The following ISY1 variants were observed in gnomAD, a reference collection of about 807,000 sequenced individuals.
ISY1 encodes ISY1 spliceosome associated protein, also known as pre-mRNA-splicing factor ISY1 homolog.
A neutral mutation model predicts 54.4 loss-of-function variants in ISY1; 12 were observed. The ratio of observed to expected loss-of-function variants is 0.22; its 90% CI spans 0.14 to 0.36. ISY1 has a LOEUF of 0.36. ISY1 is among the 10% of genes least tolerant of loss of function. ISY1 has a pLI of 1.00. For synonymous variants in ISY1, 96 were observed against 117.9 expected (o/e 0.81, Z 1.20); for missense variants, 282 against 342.2 (o/e 0.82, Z 1.39).
chr3:129,151,220 G>A (rs1013714619), intron 5 of ISY1, among the ~76,000 whole-genome samples: 1 of 148,884 alleles, frequency 6.7e-6, no homozygotes, highest in South Asian at 2.1e-4. Context: ...TATGGGGTGT[G>A]TGTGTATATA....
chr3:129,158,106 C>A (rs1024973474), intron 3 of ISY1, among the ~76,000 whole-genome samples: 3 of 151,276 alleles, frequency 2.0e-5, no homozygotes, highest in South Asian at 4.2e-4. Context: ...TGATCCACCC[C>A]CCTCAGCCTC....
intron 3 of ISY1, among the ~76,000 whole-genome samples, chr3:129,158,077 T>C (rs1410881698): frequency 4.6e-5 from 7 of 151,844 alleles, no homozygotes; most frequent in Non-Finnish European, 1.0e-4. Flanking sequence ...CAGGCTGGCC[T>C]CAAACTCCTG....
chr3:129,159,093 G>T (rs374059105), intron 2 of ISY1, 61 bp downstream of exon 2: 189 of 1,581,964 alleles, frequency 1.2e-4, no homozygotes, highest in East Asian at 1.0e-3. Flanking sequence ...AATACACAAA[G>T]AGTTACATGG....
intron 6 of ISY1, among the ~76,000 whole-genome samples, chr3:129,145,043 T>C (rs763512824): frequency 8.5e-5 from 13 of 152,130 alleles, no homozygotes; most frequent in Admixed American, 2.0e-4. Flanking sequence ...TCTGAGCAGC[T>C]GGGACTATAA....
intron 8 of ISY1, 102 bp from the exon 9 acceptor site, chr3:129,134,297 C>G: frequency 6.4e-7 from 1 of 1,563,984 alleles, no homozygotes. Flanking sequence ...CTAGACATCC[C>G]CTCTAGAAAG....
intron 7 of ISY1, among the ~76,000 whole-genome samples, chr3:129,139,311 G>A (rs1471226271): frequency 6.6e-6 from 1 of 152,158 alleles, no homozygotes; most frequent in African/African-American, 2.4e-5. Context: ...ATTTTTAAGG[G>A]ATGGTAGTGG....
chr3:129,133,536 A>C (rs1160094291), intron 9 of ISY1, among the ~76,000 whole-genome samples: 1 of 152,194 alleles, frequency 6.6e-6, no homozygotes, highest in African/African-American at 2.4e-5. Context: ...TCTACTAAAA[A>C]TACAAAAATT....
At chr3:129,144,101 G>A (rs1312658712) in intron 6 of ISY1, 7 of 417,550 alleles carry the variant, frequency 1.7e-5, no homozygotes, top group African/African-American at 1.4e-4. Flanking sequence ...TTAATGAGCT[G>A]CTTTTAAGCT....
chr3:129,131,705 G>A (rs778165421), intron 9 of ISY1, among the ~76,000 whole-genome samples: 9 of 152,210 alleles, frequency 5.9e-5, no homozygotes, highest in Non-Finnish European at 1.0e-4. Context: ...CAAGGCCATC[G>A]TGAAAGGTGA....
intron 9 of ISY1, 118 bp downstream of exon 9, chr3:129,133,956 G>A (rs1025125394): frequency 6.6e-7 from 1 of 1,522,486 alleles, no homozygotes; most frequent in African/African-American, 1.4e-5. Flanking sequence ...CCATCCTGCA[G>A]GTGAGCAAGC....
chr3:129,136,577 C>T (rs768561036), intron 7 of ISY1, among the ~76,000 whole-genome samples: 39 of 152,120 alleles, frequency 2.6e-4, no homozygotes, highest in African/African-American at 8.4e-4. Flanking sequence ...AATCTCAGCT[C>T]ACCACAACCT....
intron 6 of ISY1, chr3:129,143,999 T>C (rs1213503563): frequency 5.7e-6 from 1 of 176,274 alleles, no homozygotes; most frequent in Non-Finnish European, 1.2e-5. Context: ...GGAAAAAATA[T>C]ATAAAAATAT....
intron 3 of ISY1, among the ~76,000 whole-genome samples, 183 bp downstream of exon 3, chr3:129,158,325 A>C (rs907744008): frequency 4.0e-5 from 6 of 151,666 alleles, no homozygotes; most frequent in Non-Finnish European, 1.5e-5. Flanking sequence ...GGCTAGGCTA[A>C]TCTTTGTATT....
At chr3:129,151,844 T>C (rs1309781512) in intron 5 of ISY1, among the ~76,000 whole-genome samples, 1 of 152,040 alleles carries the variant, frequency 6.6e-6, no homozygotes, top group Non-Finnish European at 1.5e-5. Flanking sequence ...AAATAGTTTA[T>C]TGGCTATGGG....
intron 1 of ISY1, 55 bp downstream of exon 1, chr3:129,160,918 G>GGCCCCC: frequency 6.0e-6 from 4 of 666,124 alleles, no homozygotes; most frequent in Admixed American, 2.2e-5. Context: ...TGGACTGGGC[G>GGCCCCC]CCCCCCCGCC....
rs1346406137 is a variant in ISY1 at position 129,129,971 on chromosome 3, A to AG, written c.*109dup. On this transcript the variant is annotated 3_prime_UTR_variant, in exon 11 of 11. Coordinates refer to ENST00000393295, the MANE Select transcript of ISY1 (RefSeq NM_020701.4). The stretch of plus-strand genomic sequence containing the variant: ...AACATGAGACAAGGAGAGGGAAGGA[A>AG]GGCTGAGAATGGGGCAGGAGCCCTT... The AG allele has an allele frequency of 3.8e-6, 3 of 780,832 alleles. No individual in the cohort carries two copies. Among genetic ancestry groups the AG allele is most frequent in the Non-Finnish European group, 6.1e-6 (3 of 495,176 alleles). 48.4% of individuals were successfully genotyped at this position (780,832 alleles called of 1,614,324 possible). A position where few individuals can be genotyped will look rare whatever the true frequency, so the allele number is the denominator to read the frequency against.
chr3:129,128,602 C>G lies in ISY1; in HGVS notation c.*1479G>C, dbSNP rs1352731698. The stretch of plus-strand genomic sequence containing the variant: ...TAGAGAGGGCCCAGCACTGGCCACT[C>G]TCCCGACTTGGCCACACACAGCCAC... On this transcript the variant is annotated 3_prime_UTR_variant, in exon 11 of 11. Transcript: ENST00000393295. 6.5e-6 allele frequency: 1 copy of G among 153,016 alleles called. No homozygotes were observed. The highest frequency in any genetic ancestry group is 1.5e-5 in the Non-Finnish European group (1 of 68,728). The allele number at this position is 153,016 out of a possible 1,614,324, so 9.5% of individuals were successfully genotyped here.
At chr3:129,157,805 C>T (rs1937189692) in intron 3 of ISY1, among the ~76,000 whole-genome samples, 1 of 151,892 alleles carries the variant, frequency 6.6e-6, no homozygotes, top group Admixed American at 6.6e-5. Context: ...ATCACCCTGC[C>T]TCAGCTATGG....
At chr3:129,135,688 C>G (rs28533411) in intron 7 of ISY1, among the ~76,000 whole-genome samples, 2,950 of 151,850 alleles carry the variant, frequency 0.019, 81 homozygotes, top group African/African-American at 0.067. Flanking sequence ...ATCGCTTGAA[C>G]CCAGGGGACA....
Sources: allele counts gnomAD v4.1 joint callset (sites outside exome capture counted in the v4.1 genomes callset), GRCh38; gene constraint gnomAD v4.1.1; transcripts MANE v1.5; gene names NCBI Gene and HGNC (gene_info 2026-07-23, HGNC 2026-07-21).